Variants in NEGR1 observed in about 807,000 individuals in gnomAD.
The protein encoded by NEGR1 is neuronal growth regulator 1.
In NEGR1, 10 loss-of-function variants were observed where a neutral mutation model predicts 40.9. The ratio of observed to expected loss-of-function variants is 0.24; its 90% CI spans 0.15 to 0.42. The LOEUF is 0.42. NEGR1 is among the 10% of genes least tolerant of loss of function. NEGR1 has a pLI of 1.00. For synonymous variants in NEGR1, 185 were observed against 166.8 expected, an observed-to-expected ratio of 1.11 and a Z score of -0.84; for missense variants, 352 against 438.9, an observed-to-expected ratio of 0.80 and a Z score of 1.77.
At chr1:72,040,214 T>C (rs113643096) in intron 1 of NEGR1, among the ~76,000 whole-genome samples, 23 of 151,774 alleles carry the variant, frequency 1.5e-4, no homozygotes, top group African/African-American at 5.1e-4. Context: ...GTCATAGTCT[T>C]CCCCCGAATC....
intron 2 of NEGR1, among the ~76,000 whole-genome samples, chr1:71,814,910 T>C: frequency 6.6e-6 from 1 of 152,146 alleles, no homozygotes; most frequent in East Asian, 1.9e-4. Flanking sequence ...TCTCCTTCAG[T>C]TCCACTCTGA....
chr1:72,042,534 G>A (rs975259554), intron 1 of NEGR1, among the ~76,000 whole-genome samples: 2 of 151,910 alleles, frequency 1.3e-5, no homozygotes, highest in African/African-American at 4.8e-5. Flanking sequence ...GTCAGATCAC[G>A]ATAGCACAAA....
intron 6 of NEGR1, among the ~76,000 whole-genome samples, chr1:71,457,202 C>CT (rs1374230831): frequency 1.3e-5 from 2 of 152,128 alleles, no homozygotes; most frequent in African/African-American, 4.8e-5. Context: ...CTCATGTGGT[C>CT]TAAATCCTCC....
chr1:71,587,540 G>C (rs1005947227), intron 6 of NEGR1, among the ~76,000 whole-genome samples: 1 of 152,042 alleles, frequency 6.6e-6, no homozygotes, highest in African/African-American at 2.4e-5. Flanking sequence ...TCTCCACAAG[G>C]CTGCTAAGGC....
Position 72,119,549 on chromosome 1 carries a change from G to A in NEGR1, c.176+162770C>T, listed in dbSNP as rs539583983. ...TTGTATGATACACAATACTGCATAG[G>A]TTATCATATTGGCAGAAATATGTCA... On this transcript the variant is annotated intron_variant, in intron 1 of 6. Transcript: ENST00000357731. Among the ~76,000 whole-genome samples, 183 of 151,984 alleles carry A rather than the reference G, an allele frequency of 1.2e-3. 2 individuals are homozygous for A. The South Asian group carries it at 0.023, about 19-fold the overall frequency.
chr1:72,050,917 C>T lies in NEGR1; in HGVS notation c.177-115606G>A, dbSNP rs769107560. ...AGTTTTCTTAATAGTGCCAATTTGC[C>T]TGCCAAATAGGTAAGCCATCTTGGA... On this transcript the variant is annotated intron_variant, in intron 1 of 6. Transcript: ENST00000357731. Among the ~76,000 whole-genome samples, 90 of 151,440 alleles carry T rather than the reference C, an allele frequency of 5.9e-4. 1 individual carries two copies. The highest frequency in any genetic ancestry group is 3.0e-4 in the Non-Finnish European group (20 of 67,618).
chr1:71,871,754 T>G (rs1490696288), intron 2 of NEGR1, among the ~76,000 whole-genome samples: 1 of 152,204 alleles, frequency 6.6e-6, no homozygotes, highest in Non-Finnish European at 1.5e-5. Context: ...ACAGATATAT[T>G]GTTTTTTTAT....
chr1:72,123,325 C>T (rs1234063192), intron 1 of NEGR1, among the ~76,000 whole-genome samples: 1 of 151,358 alleles, frequency 6.6e-6, no homozygotes, highest in African/African-American at 2.4e-5. Flanking sequence ...ATAATTCATG[C>T]AACTGTATAT....
At chr1:71,665,205 C>T (rs1200642325) in intron 4 of NEGR1, among the ~76,000 whole-genome samples, 2 of 152,172 alleles carry the variant, frequency 1.3e-5, no homozygotes, top group Admixed American at 1.3e-4. Flanking sequence ...GCTAATTTTT[C>T]TAAAACTATA....
At chr1:71,717,719 G>C (rs553784477) in intron 3 of NEGR1, among the ~76,000 whole-genome samples, 3 of 152,166 alleles carry the variant, frequency 2.0e-5, no homozygotes, top group Non-Finnish European at 4.4e-5. Flanking sequence ...CTAAAGCCCA[G>C]TACTTCAGAA....
At chr1:71,924,411 T>G (rs1307957619) in intron 2 of NEGR1, among the ~76,000 whole-genome samples, 1 of 152,200 alleles carries the variant, frequency 6.6e-6, no homozygotes, top group East Asian at 1.9e-4. Context: ...ATGGGCTCAC[T>G]TAAAATGAAC....
intron 1 of NEGR1, among the ~76,000 whole-genome samples, chr1:72,128,410 C>T (rs905264541): frequency 6.6e-6 from 1 of 152,064 alleles, no homozygotes; most frequent in Admixed American, 6.6e-5. Context: ...AATTGAATTG[C>T]TGTCCTCAGA....
rs145098069 is a variant in NEGR1 at position 71,812,290 on chromosome 1, T to A, written c.410-35993A>T. ...TATGTACCACATTTTCTTTATCCAG[T>A]CTATCATCAATGGGCATTTGGGTTG... On this transcript the variant is annotated intron_variant, in intron 2 of 6. Transcript: ENST00000357731. 9.1e-3 allele frequency among the ~76,000 whole-genome samples: 1,380 copies of A among 152,270 alleles called. 13 individuals are homozygous for A. The highest frequency in any genetic ancestry group is 0.032 in the African/African-American group (1,312 of 41,550).
intron 4 of NEGR1, among the ~76,000 whole-genome samples, chr1:71,668,410 T>G (rs1652309997): frequency 6.6e-6 from 1 of 152,204 alleles, no homozygotes. Flanking sequence ...TAGAGGAGGA[T>G]AGAGCCAAAT....
Position 71,587,664 on chromosome 1 carries a change from GCACACA to G in NEGR1, c.940+5147_940+5152del, listed in dbSNP as rs67250351. On this transcript the variant is annotated intron_variant, in intron 6 of 6. Coordinates refer to ENST00000357731, the MANE Select transcript of NEGR1 (RefSeq NM_173808.3). ...CACGAGTACACACACACACACACAT[GCACACA>G]CACACACACACACACACACAGATAT... Among the ~76,000 whole-genome samples, 12 of 150,680 alleles carry G rather than the reference GCACACA, an allele frequency of 8.0e-5. 1 individual carries two copies. The East Asian group carries it at 2.2e-3, about 27-fold the overall frequency.
intron 1 of NEGR1, among the ~76,000 whole-genome samples, chr1:72,186,447 C>T (rs899802408): frequency 5.3e-5 from 8 of 151,428 alleles, no homozygotes; most frequent in African/African-American, 1.9e-4. Flanking sequence ...TAAAGTAATG[C>T]ATACCATAAG....
intron 1 of NEGR1, among the ~76,000 whole-genome samples, chr1:72,268,294 T>C (rs72942924): frequency 1.3e-5 from 2 of 151,590 alleles, no homozygotes; most frequent in African/African-American, 4.8e-5. Flanking sequence ...TCACGTATAT[T>C]ATTATAGTGT....
At chr1:71,695,578 C>T (rs539563101) in intron 4 of NEGR1, among the ~76,000 whole-genome samples, 96 of 151,860 alleles carry the variant, frequency 6.3e-4, no homozygotes, top group African/African-American at 2.1e-3. Context: ...TATTCTCTAC[C>T]TATTCTAGAG....
At chr1:71,433,971 T>C (rs2101300006) in intron 6 of NEGR1, among the ~76,000 whole-genome samples, 1 of 152,350 alleles carries the variant, frequency 6.6e-6, no homozygotes, top group East Asian at 1.9e-4. Flanking sequence ...GGTTGTTAAG[T>C]CAGTAATAAG....
Sources: allele counts gnomAD v4.1 joint callset (sites outside exome capture counted in the v4.1 genomes callset), GRCh38; gene constraint gnomAD v4.1.1; transcripts MANE v1.5; gene names NCBI Gene and HGNC (gene_info 2026-07-23, HGNC 2026-07-21).